The following BCAS3 variants were observed in gnomAD, a reference collection of about 807,000 sequenced individuals.
BCAS3 encodes the protein BCAS3 microtubule associated cell migration factor.
BCAS3 carries 53 observed loss-of-function variants against 116.1 expected under a neutral mutation model. The observed-to-expected ratio is 0.46, with a 90% CI of 0.37 to 0.57. The LOEUF is 0.57. BCAS3 is among the 20% of genes least tolerant of loss of function. BCAS3 has a pLI of 0.00. For missense variants in BCAS3, 917 were observed against 1,165.4 expected, an observed-to-expected ratio of 0.79 and a Z score of 3.10; for synonymous variants, 391 against 408.2, an observed-to-expected ratio of 0.96 and a Z score of 0.51.
At chr17:60,730,594 C>G (rs1258596251) in intron 5 of BCAS3, among the ~76,000 whole-genome samples, 1 of 152,146 alleles carries the variant, frequency 6.6e-6, no homozygotes, top group Non-Finnish European at 1.5e-5. Context: ...ACTTGTTCCC[C>G]TCTTCCTCCT....
chr17:61,075,791 T>C (rs1259734347), intron 20 of BCAS3, among the ~76,000 whole-genome samples: 1 of 152,236 alleles, frequency 6.6e-6, no homozygotes, highest in African/African-American at 2.4e-5. Flanking sequence ...CATTCCACCC[T>C]GCAGAAATTC....
chr17:61,128,090 A>T lies in BCAS3; in HGVS notation c.2425+43526A>T. ...TTAAGGAGTTTGAATGTAATTACCC[A>T]AAGTTTGGCTTTTCTTTTAAAGAAC... is the stretch of plus-strand genomic sequence containing the variant. On this transcript the variant is annotated intron_variant, in intron 22 of 23. Transcript: ENST00000407086. This position sits in a 1 kb window ranked among gnomAD's most constrained non-coding sequence, Gnocchi z 4.1. The T allele has an allele frequency of 1.5e-6, 1 of 676,540 alleles. No individual in the cohort carries two copies. The highest frequency in any genetic ancestry group is 1.8e-6 in the Non-Finnish European group (1 of 548,372). 41.9% of individuals were successfully genotyped at this position (676,540 alleles called of 1,614,324 possible).
chr17:61,387,843 G>A lies in BCAS3; in HGVS notation c.2594-4134G>A, dbSNP rs1464820453. Among the ~76,000 whole-genome samples the A allele has an allele frequency of 2.6e-5, 4 of 152,146 alleles. No individual in the cohort carries two copies. The highest frequency in any genetic ancestry group is 2.1e-4 in the South Asian group (1 of 4,832). On this transcript the variant is annotated intron_variant, in intron 23 of 23. Coordinates refer to ENST00000407086, the MANE Select transcript of BCAS3 (RefSeq NM_017679.5). The surrounding 1 kb of genome is among the most constrained non-coding windows in gnomAD (Gnocchi z 6.2). ...CTTGGTTTTGCTCTCTGCAATGTGG[G>A]TATATAGCTCCCACCACCCAGGGGA...
Position 61,213,848 on chromosome 17 carries a change from T to C in BCAS3, c.2425+129284T>C, listed in dbSNP as rs2144348035. 6.6e-6 allele frequency among the ~76,000 whole-genome samples: 1 copy of C among 152,328 alleles called. No homozygotes were observed. The highest frequency in any genetic ancestry group is 2.4e-5 in the African/African-American group (1 of 41,564). ...TAAGGGTAGCAGGCAGGAAAGAATT[T>C]AATGAAATCTTGAACTTTGCCTTCT... is the stretch of plus-strand genomic sequence containing the variant. On this transcript the variant is annotated intron_variant, in intron 22 of 23. Coordinates refer to ENST00000407086, the MANE Select transcript of BCAS3 (RefSeq NM_017679.5). The surrounding 1 kb of genome is among the most constrained non-coding windows in gnomAD (Gnocchi z 5.4).
chr17:61,138,072 C>T (rs957237492), intron 22 of BCAS3, among the ~76,000 whole-genome samples: 1 of 152,146 alleles, frequency 6.6e-6, no homozygotes, highest in African/African-American at 2.4e-5. Flanking sequence ...GGCTGGTAAT[C>T]TTTGGAATAG....
chr17:61,309,333 G>A lies in BCAS3; in HGVS notation c.2426-58994G>A, dbSNP rs561852994. On this transcript the variant is annotated intron_variant, in intron 22 of 23. Transcript: ENST00000407086. This position sits in a 1 kb window ranked among gnomAD's most constrained non-coding sequence, Gnocchi z 4.6. ...GGGTAATAAGGGCTGGTGGAGAGGC[G>A]GTGTCCATTTTTTGACGGAACTGGT... 6.6e-6 allele frequency among the ~76,000 whole-genome samples: 1 copy of A among 152,176 alleles called. No homozygotes were observed. Among genetic ancestry groups the A allele is most frequent in the South Asian group, 2.1e-4 (1 of 4,804 alleles).
intron 17 of BCAS3, among the ~76,000 whole-genome samples, chr17:61,036,957 G>C (rs749818521): frequency 3.3e-5 from 5 of 152,154 alleles, no homozygotes; most frequent in Non-Finnish European, 7.3e-5. Flanking sequence ...ATGAGCAGAA[G>C]GTCCAGAGAT....
Position 61,220,150 on chromosome 17 carries a change from C to A in BCAS3, c.2425+135586C>A, listed in dbSNP as rs530560915. ...CTCTACTAATAATACAAAAATTAGC[C>A]AGGCGTGGTGGCAGGCGCCTCTAAT... is the stretch of plus-strand genomic sequence containing the variant. On this transcript the variant is annotated intron_variant, in intron 22 of 23. Coordinates refer to ENST00000407086, the MANE Select transcript of BCAS3 (RefSeq NM_017679.5). The surrounding 1 kb of genome is among the most constrained non-coding windows in gnomAD (Gnocchi z 4.5). Among the ~76,000 whole-genome samples the A allele has an allele frequency of 3.3e-5, 5 of 152,164 alleles. No homozygotes were observed. The highest frequency in any genetic ancestry group is 1.3e-4 in the Admixed American group (2 of 15,268).
intron 5 of BCAS3, among the ~76,000 whole-genome samples, chr17:60,738,613 A>T (rs1036721942): frequency 6.6e-6 from 1 of 152,160 alleles, no homozygotes; most frequent in Non-Finnish European, 1.5e-5. Context: ...TTTCTTCTAT[A>T]CAACATACAG....
intron 22 of BCAS3, among the ~76,000 whole-genome samples, chr17:61,142,097 T>A (rs1220096351): frequency 1.3e-5 from 2 of 152,192 alleles, no homozygotes; most frequent in African/African-American, 4.8e-5. Flanking sequence ...GTTTTATTTT[T>A]TTTTAATGAG....
intron 22 of BCAS3, among the ~76,000 whole-genome samples, chr17:61,173,570 AAAAG>A (rs2078979050): frequency 6.6e-6 from 1 of 152,172 alleles, no homozygotes; most frequent in South Asian, 2.1e-4. Flanking sequence ...AGAAAAGAAA[AAAAG>A]GTCTCAAATC....
chr17:61,077,994 G>T lies in BCAS3; in HGVS notation c.2131-339G>T, dbSNP rs995214337. ...GAATGAATGAAAAGGTAGACCCTACGGAGCTGACACTAGTTATATGAGGCA... is the reference window on the plus strand; with the variant it reads ...GAATGAATGAAAAGGTAGACCCTACTGAGCTGACACTAGTTATATGAGGCA... On this transcript the variant is annotated intron_variant, in intron 20 of 23. Transcript: ENST00000407086. The surrounding 1 kb of genome is among the most constrained non-coding windows in gnomAD (Gnocchi z 4.3). Among the ~76,000 whole-genome samples the T allele has an allele frequency of 2.0e-5, 3 of 152,118 alleles. No individual in the cohort carries two copies. The highest frequency in any genetic ancestry group is 4.4e-5 in the Non-Finnish European group (3 of 68,018).
At chr17:61,232,665 G>GA (rs983788496) in intron 22 of BCAS3, among the ~76,000 whole-genome samples, 8 of 151,688 alleles carry the variant, frequency 5.3e-5, no homozygotes, top group African/African-American at 1.5e-4. Flanking sequence ...TTCTTAAGAG[G>GA]AAAAAAAATC....
At chr17:60,723,927 G>A (rs1442536335) in intron 5 of BCAS3, among the ~76,000 whole-genome samples, 1 of 150,178 alleles carries the variant, frequency 6.7e-6, no homozygotes, top group Admixed American at 6.6e-5. Context: ...TCACCATATT[G>A]GCCAGGCTGG....
intron 12 of BCAS3, among the ~76,000 whole-genome samples, chr17:60,918,525 G>A (rs2058893795): frequency 6.6e-6 from 1 of 152,116 alleles, no homozygotes; most frequent in Non-Finnish European, 1.5e-5. Context: ...TGGAATGTTA[G>A]AACTTATTCC....
chr17:61,120,945 C>T (rs780065860), intron 22 of BCAS3, among the ~76,000 whole-genome samples: 10 of 151,808 alleles, frequency 6.6e-5, no homozygotes, highest in Admixed American at 2.0e-4. Flanking sequence ...TTAAGGAAAC[C>T]GGGACATTTA....
chr17:60,766,735 C>T (rs754034847), intron 6 of BCAS3, among the ~76,000 whole-genome samples: 23 of 152,206 alleles, frequency 1.5e-4, no homozygotes, highest in African/African-American at 2.4e-5. Flanking sequence ...TGAGAGCTGT[C>T]GGGCAGGGAC....
intron 19 of BCAS3, among the ~76,000 whole-genome samples, chr17:61,062,892 A>T (rs530569975): frequency 1.0e-3 from 154 of 152,296 alleles, no homozygotes; most frequent in African/African-American, 3.5e-3. Flanking sequence ...TGTGAGGTAG[A>T]TGCCTCATGA....
chr17:60,822,925 C>A (rs1187417862), intron 7 of BCAS3, among the ~76,000 whole-genome samples: 1 of 151,972 alleles, frequency 6.6e-6, no homozygotes, highest in African/African-American at 2.4e-5. Flanking sequence ...AGAAAGAGAC[C>A]CAACCATCCT....
Sources: gnomAD v4.1 joint callset for allele counts (sites outside exome capture counted in the v4.1 genomes callset) on GRCh38, gnomAD v4.1.1 for gene constraint, Gnocchi (gnomAD v3.1) non-coding constraint, MANE v1.5 for transcripts, NCBI Gene and HGNC (gene_info 2026-07-23, HGNC 2026-07-21) for gene names.